ZYG11B: variants seen among roughly 807,000 people sequenced by gnomAD.
The protein encoded by ZYG11B is zyg-11 family member B, cell cycle regulator, also known as protein zyg-11 homolog B.
A neutral mutation model predicts 82.4 loss-of-function variants in ZYG11B; 36 were observed. The observed-to-expected ratio is 0.44, with a 90% CI of 0.33 to 0.58. The LOEUF (loss-of-function observed/expected upper bound fraction) is 0.58. Among genes scored for constraint, ZYG11B ranks in the 20% least tolerant of loss-of-function variants. ZYG11B has a pLI of 0.02. For synonymous variants in ZYG11B, 303 were observed against 312.8 expected (o/e 0.97, Z 0.33); for missense variants, 552 against 895.6 (o/e 0.62, Z 4.90).
intron 6 of ZYG11B, among the ~76,000 whole-genome samples, chr1:52,793,139 C>T (rs957164925): frequency 5.9e-5 from 9 of 151,988 alleles, no homozygotes; most frequent in East Asian, 1.9e-4. Context: ...CACACCCAGC[C>T]TGGAATAAGT....
At chr1:52,770,931 G>A in intron 2 of ZYG11B, 89 bp from the exon 3 acceptor site, 1 of 1,367,114 alleles carries the variant, frequency 7.3e-7, no homozygotes, top group Non-Finnish European at 1.0e-6. Context: ...CTGTTACATG[G>A]GAGCGCTTTG....
At chr1:52,780,053 T>G in intron 4 of ZYG11B, 60 bp downstream of exon 4, 1 of 1,521,054 alleles carries the variant, frequency 6.6e-7, no homozygotes, top group African/African-American at 1.4e-5. Context: ...AGATGATTTT[T>G]TGAAGAAAAT....
chr1:52,770,793 A>C (rs1644743416), intron 2 of ZYG11B, among the ~76,000 whole-genome samples: 1 of 152,200 alleles, frequency 6.6e-6, no homozygotes. Flanking sequence ...TGTCTGCCAC[A>C]GTCCTGATTC....
In ZYG11B at chr1:52,740,395, C is replaced by G. The variant is rs182194646; in HGVS notation, c.30+13712C>G. The stretch of plus-strand genomic sequence containing the variant: ...GCCTTAAAGTGATATGTGCAAGAAG[C>G]TTGCTTTACTTGCTTTTCAATTTGT... On this transcript the variant is annotated intron_variant, in intron 1 of 13. Transcript: ENST00000294353. Among the ~76,000 whole-genome samples the G allele has an allele frequency of 1.0e-3, 153 of 152,180 alleles. 1 individual carries two copies. The highest frequency in any genetic ancestry group is 3.5e-3 in the African/African-American group (144 of 41,552).
intron 1 of ZYG11B, among the ~76,000 whole-genome samples, chr1:52,741,702 G>T (rs1644433076): frequency 6.6e-6 from 1 of 152,116 alleles, no homozygotes; most frequent in Non-Finnish European, 1.5e-5. Flanking sequence ...ATATTCTGTG[G>T]TAATAACATT....
chr1:52,773,281 T>G (rs1389284351), intron 3 of ZYG11B, among the ~76,000 whole-genome samples: 2 of 151,504 alleles, frequency 1.3e-5, no homozygotes, highest in African/African-American at 4.8e-5. Flanking sequence ...CAAGACCAGC[T>G]TGGCCAACAT....
At chr1:52,745,474 A>G (rs1644468000) in intron 1 of ZYG11B, among the ~76,000 whole-genome samples, 1 of 152,172 alleles carries the variant, frequency 6.6e-6, no homozygotes. Context: ...TCATTTATTC[A>G]TACTTACTTC....
intron 1 of ZYG11B, among the ~76,000 whole-genome samples, chr1:52,753,288 A>T (rs78765721): frequency 0.019 from 2,880 of 152,228 alleles, 92 homozygotes; most frequent in African/African-American, 0.066. Context: ...TTTTGTAATA[A>T]ACTGCTAAGC....
At chr1:52,772,451 C>T in intron 3 of ZYG11B, 1 of 1,575,938 alleles carries the variant, frequency 6.3e-7, no homozygotes, top group Non-Finnish European at 8.7e-7. Flanking sequence ...TATTGCCTGT[C>T]ACAAAACGTA....
At chr1:52,796,909 T>TATTATATATTATATATA (rs1407339133) in intron 8 of ZYG11B, 125 bp downstream of exon 8, 6 of 106,336 alleles carry the variant, frequency 5.6e-5, no homozygotes, top group Non-Finnish European at 1.1e-4. Flanking sequence ...ATTATATATA[T>TATTATATATTATATATA]ATTATATATT....
rs564218749 is a variant in ZYG11B, at chr1:52,735,100, G to C, written c.30+8417G>C. Among the ~76,000 whole-genome samples, 15 of 149,590 alleles carry C rather than the reference G, an allele frequency of 1.0e-4. No individual in the cohort carries two copies. In the South Asian group the frequency reaches 3.2e-3, roughly 32 times the overall value. On this transcript the variant is annotated intron_variant, in intron 1 of 13. Transcript: ENST00000294353. ...GGCTGGAGTGCAATGGCGCGATCTC[G>C]GCTCACCGCAGCCTCCGCCTCCCAG...
chr1:52,776,549 A>AG (rs1305027951), intron 3 of ZYG11B, among the ~76,000 whole-genome samples: 1 of 151,520 alleles, frequency 6.6e-6, no homozygotes, highest in East Asian at 1.9e-4. Flanking sequence ...AAAAAAAAAA[A>AG]AAATTGGCTT....
At chr1:52,797,199 T>A (rs1173365650) in intron 8 of ZYG11B, among the ~76,000 whole-genome samples, 1 of 82,316 alleles carries the variant, frequency 1.2e-5, no homozygotes, top group Non-Finnish European at 2.1e-5. Flanking sequence ...ATATATAAAT[T>A]ATTTATATAT....
chr1:52,808,868 A>C (rs1031526222), intron 10 of ZYG11B, among the ~76,000 whole-genome samples: 8 of 152,120 alleles, frequency 5.3e-5, no homozygotes, highest in Non-Finnish European at 7.3e-5. Flanking sequence ...TTCATCTGCA[A>C]TATCTAATCT....
Position 52,756,623 on chromosome 1 carries a change from G to A in ZYG11B, c.196G>A (p.Gly66Ser). ...DRLLRTMAFHGLLNDGTVGIF... is the reference protein window; with the variant it reads ...DRLLRTMAFHSLLNDGTVGIF... ...ACTGCTTCGGACCATGGCTTTTCAT[G>A]GTAAAAAAATAAACAGAGGAAACAA... The change falls in exon 2 of 14, where the codon GGT (glycine) becomes AGT (serine). Residue 66 changes from glycine to serine, a missense_variant and splice_region_variant. Physicochemically the swap from Gly to Ser is moderately conservative, Grantham distance 56. This residue lies in a region of ZYG11B where 359 missense variants were observed against 555.8 expected (regional missense o/e 0.65). Transcript: ENST00000294353. 1.3e-6 allele frequency: 2 copies of A among 1,591,288 alleles called. No individual in the cohort carries two copies. The highest frequency in any genetic ancestry group is 1.7e-6 in the Non-Finnish European group (2 of 1,167,876).
intron 10 of ZYG11B, among the ~76,000 whole-genome samples, chr1:52,812,905 T>A (rs892271614): frequency 2.0e-5 from 3 of 152,078 alleles, no homozygotes; most frequent in Middle Eastern, 6.8e-3. Context: ...TTTTGTGTAT[T>A]TAGTAGAGAC....
At chr1:52,805,091 C>CAAAAAAAAAAAAAAAAAAAAAA (rs57893615) in intron 10 of ZYG11B, 1 of 112,262 alleles carries the variant, frequency 8.9e-6, no homozygotes. Flanking sequence ...AACTCTGTCT[C>CAAAAAAAAAAAAAAAAAAAAAA]AAAAAAAAAA....
chr1:52,755,931 C>T (rs546077515), intron 1 of ZYG11B, among the ~76,000 whole-genome samples: 2 of 152,072 alleles, frequency 1.3e-5, no homozygotes, highest in African/African-American at 4.8e-5. Flanking sequence ...TCCTGAGTAG[C>T]TGGAACTACA....
At chr1:52,795,759 A>G (rs946011789) in intron 6 of ZYG11B, among the ~76,000 whole-genome samples, 1 of 152,144 alleles carries the variant, frequency 6.6e-6, no homozygotes, top group African/African-American at 2.4e-5. Flanking sequence ...GTACCTAATC[A>G]TACTATATAT....
Sources: allele counts gnomAD v4.1 joint callset (sites outside exome capture counted in the v4.1 genomes callset), GRCh38; gene constraint gnomAD v4.1.1; regional missense constraint gnomAD v4.1.1; transcripts MANE v1.5; gene names NCBI Gene and HGNC (gene_info 2026-07-23, HGNC 2026-07-21).